TANGO6: variants seen among roughly 807,000 people sequenced by gnomAD.
The protein encoded by TANGO6 is transport and Golgi organization protein 6 homolog.
Under a neutral mutation model 114.2 loss-of-function variants are expected in TANGO6, and 90 were observed. The ratio of observed to expected loss-of-function variants is 0.79; its 90% confidence interval spans 0.66 to 0.94. The LOEUF is 0.94. TANGO6 is among the 40% of genes least tolerant of loss of function. The pLI is 0.00. For synonymous variants in TANGO6, 477 were observed against 509.8 expected (o/e 0.94, Z 0.87); for missense variants, 1,274 against 1,315.3 (o/e 0.97, Z 0.49).
At chr16:69,063,141 T>C (rs1228482878) in intron 17 of TANGO6, among the ~76,000 whole-genome samples, 2 of 149,412 alleles carry the variant, frequency 1.3e-5, no homozygotes, top group Non-Finnish European at 3.0e-5. Flanking sequence ...GGCAGGAGAA[T>C]CGCTTGAACC....
chr16:68,975,841 G>A (rs553757797), intron 15 of TANGO6, among the ~76,000 whole-genome samples: 1 of 152,182 alleles, frequency 6.6e-6, no homozygotes, highest in Admixed American at 6.5e-5. Flanking sequence ...ACAGGTGTGC[G>A]CCATCGTGCC....
chr16:69,027,850 G>A (rs754969395), intron 16 of TANGO6, among the ~76,000 whole-genome samples: 3 of 150,924 alleles, frequency 2.0e-5, no homozygotes, highest in Non-Finnish European at 2.9e-5. Flanking sequence ...GCGTGATCTC[G>A]GATCACTGCA....
intron 17 of TANGO6, among the ~76,000 whole-genome samples, chr16:69,071,829 C>T (rs188809601): frequency 3.3e-5 from 5 of 152,366 alleles, no homozygotes; most frequent in Non-Finnish European, 7.3e-5. Flanking sequence ...TGTCTTCCTG[C>T]TTTTCCATTG....
At position 68,922,993 on chromosome 16, in the gene TANGO6, G is replaced by T. The variant is rs1395387895; in HGVS notation, c.2127+3774G>T. ...AGATGGAGTTTCGCTCGTTGCCCAG[G>T]CTGGGGTGCAATGGCACGATCTCGG... On this transcript the variant is annotated intron_variant, in intron 12 of 17. Transcript: ENST00000261778. 2.2e-5 allele frequency among the ~76,000 whole-genome samples: 3 copies of T among 137,306 alleles called. No individual in the cohort carries two copies. In the East Asian group the frequency reaches 6.2e-4, roughly 29 times the overall value. The allele number at this position is 137,306 out of a possible 152,430, so 90.1% of individuals were successfully genotyped here. A position where few individuals can be genotyped will look rare whatever the true frequency, so the allele number is the denominator to read the frequency against.
At chr16:68,852,592 G>C (rs1208675666) in intron 1 of TANGO6, among the ~76,000 whole-genome samples, 1 of 149,736 alleles carries the variant, frequency 6.7e-6, no homozygotes, top group Admixed American at 6.6e-5. Flanking sequence ...ACTTTGGGGA[G>C]GCTGAGGCGG....
At chr16:69,011,084 G>A (rs952206922) in intron 15 of TANGO6, among the ~76,000 whole-genome samples, 4 of 152,178 alleles carry the variant, frequency 2.6e-5, no homozygotes, top group African/African-American at 7.2e-5. Flanking sequence ...ACAGTGGAGT[G>A]CTGGCTGTAA....
chr16:69,002,101 A>G (rs1212749149), intron 15 of TANGO6, among the ~76,000 whole-genome samples: 1 of 152,178 alleles, frequency 6.6e-6, no homozygotes, highest in Middle Eastern at 3.2e-3. Context: ...CCATGAGGAA[A>G]ACAGCTTTTT....
At chr16:68,884,200 GTGCCCGGCCTCACTCACTTTA>G (rs1962506187) in intron 7 of TANGO6, among the ~76,000 whole-genome samples, 1 of 152,032 alleles carries the variant, frequency 6.6e-6, no homozygotes, top group Non-Finnish European at 1.5e-5. Flanking sequence ...ATAAGCCACC[GTGCCCGGCCTCACTCACTTTA>G]TTTGTAAAGT....
intron 12 of TANGO6, among the ~76,000 whole-genome samples, chr16:68,923,638 T>C (rs1466299750): frequency 6.6e-6 from 1 of 152,204 alleles, no homozygotes; most frequent in East Asian, 1.9e-4. Flanking sequence ...TTAATTGCTG[T>C]TGCTTTCAAG....
intron 1 of TANGO6, among the ~76,000 whole-genome samples, chr16:68,853,544 C>T (rs1358871164): frequency 6.6e-6 from 1 of 152,034 alleles, no homozygotes; most frequent in African/African-American, 2.4e-5. Context: ...ATCTTTTTGG[C>T]TATGTGGGCT....
intron 7 of TANGO6, among the ~76,000 whole-genome samples, chr16:68,898,265 A>T (rs902046991): frequency 6.6e-6 from 1 of 152,182 alleles, no homozygotes; most frequent in Non-Finnish European, 1.5e-5. Flanking sequence ...GATCATGCAC[A>T]GGAAGCTGGC....
intron 6 of TANGO6, 101 bp downstream of exon 6, chr16:68,878,381 T>G: frequency 7.4e-7 from 1 of 1,356,662 alleles, no homozygotes; most frequent in South Asian, 1.9e-5. Flanking sequence ...TCTCTTTAGT[T>G]TTCCTTCCCC....
At chr16:68,907,380 G>A (rs1962866461) in intron 9 of TANGO6, 63 bp from the exon 10 acceptor site, 4 of 1,475,626 alleles carry the variant, frequency 2.7e-6, no homozygotes, top group South Asian at 2.9e-5. Context: ...AGATTGTTAT[G>A]GGGTTTAAAA....
chr16:68,889,503 A>G (rs550049300), intron 7 of TANGO6, among the ~76,000 whole-genome samples: 31 of 152,306 alleles, frequency 2.0e-4, no homozygotes, highest in African/African-American at 7.5e-4. Flanking sequence ...TACAAATTTA[A>G]GGACAAAAAA....
chr16:68,854,215 A>C (rs568278599), intron 1 of TANGO6, among the ~76,000 whole-genome samples: 1 of 152,324 alleles, frequency 6.6e-6, no homozygotes, highest in Admixed American at 6.5e-5. Context: ...GCACTTTAAG[A>C]GGCAGAGGCG....
chr16:68,867,274 G>A, intron 4 of TANGO6, 54 bp downstream of exon 4: 1 of 1,607,812 alleles, frequency 6.2e-7, no homozygotes, highest in Non-Finnish European at 8.5e-7. Flanking sequence ...TTGAGTCAGA[G>A]TCTGAGGTGA....
chr16:68,938,596 T>G (rs1389930931), intron 14 of TANGO6, among the ~76,000 whole-genome samples: 1 of 152,208 alleles, frequency 6.6e-6, no homozygotes, highest in East Asian at 1.9e-4. Context: ...TTTTCCCCTT[T>G]TGATTAAGAT....
chr16:68,886,774 G>A (rs532675308), intron 7 of TANGO6, among the ~76,000 whole-genome samples: 6 of 151,522 alleles, frequency 4.0e-5, no homozygotes, highest in Non-Finnish European at 7.4e-5. Flanking sequence ...GCCTCCCAAA[G>A]TGCTGGGATT....
chr16:68,843,760 C>G, intron 1 of TANGO6, 49 bp downstream of exon 1: 1 of 1,582,208 alleles, frequency 6.3e-7, no homozygotes, highest in Non-Finnish European at 8.7e-7. Context: ...CTCTCAGGGC[C>G]GCCCGGCTTC....
Sources: allele counts gnomAD v4.1 joint callset (sites outside exome capture counted in the v4.1 genomes callset), GRCh38; gene constraint gnomAD v4.1.1; transcripts MANE v1.5; gene names NCBI Gene and HGNC (gene_info 2026-07-23, HGNC 2026-07-21).